Variants in TOM1 observed in about 807,000 individuals in gnomAD.
TOM1 encodes target of myb1 membrane trafficking protein.
Under a neutral mutation model 61.3 loss-of-function variants are expected in TOM1, and 38 were observed. The ratio of observed to expected loss-of-function variants is 0.62; its 90% confidence interval spans 0.48 to 0.81. TOM1 has a LOEUF of 0.81. TOM1 is among the 40% of genes least tolerant of loss of function. The pLI, the probability that TOM1 is intolerant of heterozygous loss-of-function variation, is 0.00. For synonymous variants in TOM1, 270 were observed against 268.8 expected, an observed-to-expected ratio of 1.00 and a Z score of -0.04; for missense variants, 591 against 659.6, an observed-to-expected ratio of 0.90 and a Z score of 1.14.
intron 12 of TOM1, among the ~76,000 whole-genome samples, chr22:35,343,978 C>T (rs1930270121): frequency 6.6e-6 from 1 of 150,838 alleles, no homozygotes; most frequent in South Asian, 2.1e-4. Context: ...ACACAACCTA[C>T]ACCTACACAT....
intron 1 of TOM1, among the ~76,000 whole-genome samples, chr22:35,317,510 G>A (rs1279270131): frequency 6.6e-6 from 1 of 152,166 alleles, no homozygotes; most frequent in African/African-American, 2.4e-5. Flanking sequence ...CTAAAGTCAA[G>A]GGAGAACATC....
rs974346393 is a variant in TOM1 at position 35,323,301 on chromosome 22, G to A, written c.366+124G>A. On this transcript the variant is annotated intron_variant, in intron 4 of 14. Coordinates refer to ENST00000449058, the MANE Select transcript of TOM1 (RefSeq NM_005488.3). The surrounding 1 kb of genome is among the most constrained non-coding windows in gnomAD (Gnocchi z 4.2). ...TCCGCTTCTCATTTCGGGGCGTCTCGGTTGTCGGCTGGTGGGATGTTCTGT... is the reference window on the plus strand; with the variant it reads ...TCCGCTTCTCATTTCGGGGCGTCTCAGTTGTCGGCTGGTGGGATGTTCTGT... 22 of 1,448,460 alleles carry A rather than the reference G, an allele frequency of 1.5e-5. No individual in the cohort carries two copies. Among genetic ancestry groups the A allele is most frequent in the Middle Eastern group, 4.4e-4 (2 of 4,576 alleles). The allele number at this position is 1,448,460 out of a possible 1,614,324, so 89.7% of individuals were successfully genotyped here.
At chr22:35,318,090 C>T (rs373387929) in intron 2 of TOM1, 129 bp downstream of exon 2, 23 of 814,806 alleles carry the variant, frequency 2.8e-5, no homozygotes, top group African/African-American at 8.4e-5. Flanking sequence ...TGACCCAACC[C>T]GCTTGGCTGC....
intron 1 of TOM1, among the ~76,000 whole-genome samples, chr22:35,309,718 C>T (rs1421786973): frequency 6.6e-6 from 1 of 151,756 alleles, no homozygotes; most frequent in Non-Finnish European, 1.5e-5. Context: ...CTGTGTCCAT[C>T]TAGAATGAAT....
At chr22:35,343,331 C>CAT (rs1930122168) in intron 12 of TOM1, among the ~76,000 whole-genome samples, 1 of 150,410 alleles carries the variant, frequency 6.6e-6, no homozygotes, top group African/African-American at 2.5e-5. Context: ...CCTACACACC[C>CAT]CCACACACAC....
intron 11 of TOM1, among the ~76,000 whole-genome samples, chr22:35,335,951 C>G (rs1442615617): frequency 6.6e-6 from 1 of 152,116 alleles, no homozygotes; most frequent in South Asian, 2.1e-4. Context: ...CCCTGGCTCC[C>G]GCACAGCAGC....
chr22:35,315,951 A>G (rs533643592), intron 1 of TOM1, among the ~76,000 whole-genome samples: 1 of 152,350 alleles, frequency 6.6e-6, no homozygotes, highest in East Asian at 1.9e-4. Flanking sequence ...TAGCAAGCGA[A>G]GAGTCACCCA....
chr22:35,327,275 G>A lies in TOM1; in HGVS notation c.653G>A (p.Gly218Glu). Residue 218 changes from glycine to glutamate, a missense_variant, in exon 7 of 15, where the codon GGG (glycine) becomes GAG (glutamate). Coordinates refer to ENST00000449058, the MANE Select transcript of TOM1 (RefSeq NM_005488.3). ...ACGATCAACTGTGTGTTTCAGATTG[G>A]GAAGCTGCGCAGTGAGCTGGAGATG... ...TPIAPTPEQIGKLRSELEMVS... is the reference protein window; with the variant it reads ...TPIAPTPEQIEKLRSELEMVS... 13 of 1,613,894 alleles carry A rather than the reference G, an allele frequency of 8.1e-6. No homozygotes were observed. Among genetic ancestry groups the A allele is most frequent in the Non-Finnish European group, 1.1e-5 (13 of 1,179,900 alleles).
chr22:35,306,144 CT>C (rs138761), intron 1 of TOM1, among the ~76,000 whole-genome samples: 76,995 of 150,692 alleles, frequency 0.51, 22,613 homozygotes, highest in Non-Finnish European at 0.65. Flanking sequence ...TCTTCTTCAG[CT>C]TTTTTTTTTC....
rs1927991307 is a variant in TOM1, at chr22:35,323,276, T to C, written c.366+99T>C. 2 of 1,505,766 alleles carry C rather than the reference T, an allele frequency of 1.3e-6. No individual in the cohort carries two copies. Among genetic ancestry groups the C allele is most frequent in the African/African-American group, 2.8e-5 (2 of 70,808 alleles). The allele number at this position is 1,505,766 out of a possible 1,614,324, so 93.3% of individuals were successfully genotyped here. ...CGAGGCCATCGTGTTTGTCCCAGGC[T>C]CCGCTTCTCATTTCGGGGCGTCTCG... On this transcript the variant is annotated intron_variant, in intron 4 of 14. Transcript: ENST00000449058. This position sits in a 1 kb window ranked among gnomAD's most constrained non-coding sequence, Gnocchi z 4.2.
intron 3 of TOM1, 148 bp from the exon 4 acceptor site, chr22:35,322,880 C>A: frequency 6.4e-6 from 6 of 942,004 alleles, no homozygotes; most frequent in Non-Finnish European, 9.3e-6. Flanking sequence ...TTGTCCCAGT[C>A]CTCCACATTC....
intron 12 of TOM1, among the ~76,000 whole-genome samples, chr22:35,341,196 G>A (rs1397129038): frequency 2.0e-5 from 3 of 152,186 alleles, no homozygotes; most frequent in Non-Finnish European, 2.9e-5. Context: ...TTATTATCCC[G>A]TTTTACAGAT....
intron 6 of TOM1, among the ~76,000 whole-genome samples, chr22:35,326,736 C>T (rs1309751182): frequency 6.7e-6 from 1 of 150,266 alleles, no homozygotes; most frequent in Non-Finnish European, 1.5e-5. Context: ...GGATCCCAGT[C>T]CTCTAGGAGG....
intron 1 of TOM1, among the ~76,000 whole-genome samples, chr22:35,306,460 G>A (rs929469647): frequency 6.6e-6 from 1 of 152,176 alleles, no homozygotes; most frequent in African/African-American, 2.4e-5. Context: ...ACAGAGCTTT[G>A]TCTAGAAAGG....
At chr22:35,311,282 G>A (rs753773374) in intron 1 of TOM1, among the ~76,000 whole-genome samples, 1 of 152,288 alleles carries the variant, frequency 6.6e-6, no homozygotes, top group Admixed American at 6.5e-5. Context: ...TCCTTAAAGA[G>A]GAATATTAAT....
intron 1 of TOM1, among the ~76,000 whole-genome samples, chr22:35,301,273 A>T (rs566191344): frequency 2.1e-4 from 32 of 151,706 alleles, no homozygotes; most frequent in Admixed American, 9.2e-4. Flanking sequence ...CATATATATA[A>T]AAATATACAC....
In TOM1 at chr22:35,329,033, G is replaced by A. The variant is rs895759240; in HGVS notation, c.766-1314G>A. Reference sequence around the variant, plus strand: ...TGCAGTGGCGCGATCTCGGCTCACCGCAGCCTCTGCCTCTTGGGTTCAAGC... The same window carrying A: ...TGCAGTGGCGCGATCTCGGCTCACCACAGCCTCTGCCTCTTGGGTTCAAGC... On this transcript the variant is annotated intron_variant, in intron 7 of 14. Transcript: ENST00000449058. 6.2e-4 allele frequency among the ~76,000 whole-genome samples: 95 copies of A among 152,178 alleles called. 1 individual carries two copies. The highest frequency in any genetic ancestry group is 2.3e-3 in the Admixed American group (35 of 15,302).
At chr22:35,338,437 C>CCTGA (rs1429528153) in intron 11 of TOM1, among the ~76,000 whole-genome samples, 1 of 152,148 alleles carries the variant, frequency 6.6e-6, no homozygotes, top group East Asian at 1.9e-4. Context: ...TTATCAGTCT[C>CCTGA]CTGAGTTTGG....
At chr22:35,300,503 G>A (rs976144212) in intron 1 of TOM1, among the ~76,000 whole-genome samples, 3 of 152,208 alleles carry the variant, frequency 2.0e-5, no homozygotes, top group Non-Finnish European at 4.4e-5. Flanking sequence ...CCGCGGCCAG[G>A]CCTCACAGAC....
Sources: gnomAD v4.1 joint callset for allele counts (sites outside exome capture counted in the v4.1 genomes callset) on GRCh38, gnomAD v4.1.1 for gene constraint, Gnocchi (gnomAD v3.1) non-coding constraint, MANE v1.5 for transcripts, NCBI Gene and HGNC (gene_info 2026-07-23, HGNC 2026-07-21) for gene names.